Variants in GEMIN5 observed in about 807,000 individuals in gnomAD.
GEMIN5 encodes the protein gem-associated protein 5.
A neutral mutation model predicts 176.9 loss-of-function variants in GEMIN5; 124 were observed. The observed-to-expected ratio is 0.70, with a 90% CI of 0.61 to 0.81. The LOEUF (loss-of-function observed/expected upper bound fraction) is 0.81, where lower values mean the gene tolerates loss of function less well. Ranked by LOEUF, GEMIN5 falls within the 40% of genes least tolerant of loss-of-function variation. The probability of loss-of-function intolerance (pLI) is 0.00; values close to 1 mark genes in which losing one functional copy is unlikely to be tolerated. For synonymous variants in GEMIN5, 673 were observed against 665.2 expected, an observed-to-expected ratio of 1.01 and a Z score of -0.18; for missense variants, 1,843 against 1,814.6, an observed-to-expected ratio of 1.02 and a Z score of -0.28.
At chr5:154,902,314 C>T (rs1016989951) in intron 20 of GEMIN5, among the ~76,000 whole-genome samples, 2 of 152,172 alleles carry the variant, frequency 1.3e-5, no homozygotes, top group Non-Finnish European at 2.9e-5. Context: ...AATTGTCCTT[C>T]AAGAAGTTCT....
At position 154,925,848 on chromosome 5, in the gene GEMIN5, A is replaced by G; in HGVS notation, c.1293+14T>C. The stretch of plus-strand genomic sequence containing the variant: ...AAAAAAAGTTCAAAACAAGCTCAAA[A>G]AAAGAATCCTTACCGCTGTAACCTT... On this transcript the variant is annotated intron_variant, in intron 8 of 27. Coordinates refer to ENST00000285873, the MANE Select transcript of GEMIN5 (RefSeq NM_015465.5). 6.6e-7 allele frequency: 1 copy of G among 1,525,592 alleles called. No individual in the cohort carries two copies. The highest frequency in any genetic ancestry group is 2.3e-5 in the East Asian group (1 of 44,370). 94.5% of individuals were successfully genotyped at this position (1,525,592 alleles called of 1,614,324 possible). A position where few individuals can be genotyped will look rare whatever the true frequency, so the allele number is the denominator to read the frequency against.
chr5:154,925,172 A>C (rs1210504561), intron 8 of GEMIN5, among the ~76,000 whole-genome samples: 5 of 152,230 alleles, frequency 3.3e-5, no homozygotes, highest in Non-Finnish European at 7.3e-5. Flanking sequence ...TACACTGTCG[A>C]GTCGGAATAA....
At chr5:154,896,413 C>A in intron 23 of GEMIN5, 70 bp from the exon 24 acceptor site, 2 of 1,444,954 alleles carry the variant, frequency 1.4e-6, no homozygotes, top group Non-Finnish European at 1.8e-6. Context: ...AGAGCTCTCC[C>A]GTGTCCTTCA....
At chr5:154,920,364 CATA>C (rs1763899379) in intron 10 of GEMIN5, among the ~76,000 whole-genome samples, 1 of 152,142 alleles carries the variant, frequency 6.6e-6, no homozygotes, top group South Asian at 2.1e-4. Flanking sequence ...TTCTGGTATT[CATA>C]ATAATAGGGG....
At chr5:154,889,697 C>G (rs755974372) in intron 26 of GEMIN5, among the ~76,000 whole-genome samples, 5 of 152,342 alleles carry the variant, frequency 3.3e-5, no homozygotes, top group Non-Finnish European at 7.3e-5. Context: ...CAACATTATT[C>G]TACTTTCTGT....
Position 154,888,271 on chromosome 5 carries a change from A to G in GEMIN5, c.4466T>C (p.Leu1489Pro). 2 of 1,614,084 alleles carry G rather than the reference A, an allele frequency of 1.2e-6. No homozygotes were observed. Among genetic ancestry groups the G allele is most frequent in the South Asian group, 2.2e-5 (2 of 91,072 alleles). ...AQEMQQQAQE[L>P]LQKYGNTKTY... ...TTTCGTGTTGCCGTATTTCTGAAGG[A>G]GCTCTTGGGCCTGCTGCTGCATTTC... The change falls in exon 28 of 28, where the codon CTC becomes CCC. Residue 1489 changes from leucine (L) to proline (P), a missense_variant. Physicochemically the swap from Leu to Pro is moderately conservative, Grantham distance 98. Coordinates refer to ENST00000285873, the MANE Select transcript of GEMIN5 (RefSeq NM_015465.5).
At position 154,891,456 on chromosome 5, in the gene GEMIN5, A is replaced by G; in HGVS notation, c.4047T>C (p.Gly1349=). 1 of 1,614,128 alleles carries G rather than the reference A, an allele frequency of 6.2e-7. No individual in the cohort carries two copies. Among genetic ancestry groups the G allele is most frequent in the Non-Finnish European group, 8.5e-7 (1 of 1,180,010 alleles). ...CCTTAAAAGTACTCAGCATTCGCTC[A>G]CCTTCTTCTGTGAGTCTCAAGTCTA... ...SELDLRLTEE[G]ERMLSTFKEL... The change falls in exon 26 of 28, where the codon GGT becomes GGC. Residue 1349 remains glycine, a synonymous_variant. Transcript: ENST00000285873.
chr5:154,891,423 A>G lies in GEMIN5; in HGVS notation c.4080T>C (p.Phe1360=). The stretch of plus-strand genomic sequence containing the variant: ...TTTGGAGACTGGCATGCTTTTCTGA[A>G]AAGAGCTCCTTAAAAGTACTCAGCA... The part of the protein sequence containing the change: ...ERMLSTFKEL[F]SEKHASLQNS... The change falls in exon 26 of 28, where the codon TTT becomes TTC. Residue 1360 remains phenylalanine (F), a synonymous_variant. Coordinates refer to ENST00000285873, the MANE Select transcript of GEMIN5 (RefSeq NM_015465.5). The G allele has an allele frequency of 1.2e-6, 2 of 1,614,090 alleles. No homozygotes were observed. The highest frequency in any genetic ancestry group is 1.7e-6 in the Non-Finnish European group (2 of 1,180,006).
intron 23 of GEMIN5, among the ~76,000 whole-genome samples, chr5:154,897,914 G>GTTTTT (rs35458616): frequency 4.0e-5 from 5 of 124,502 alleles, no homozygotes; most frequent in Non-Finnish European, 4.8e-5. Context: ...TTTTTTTTGT[G>GTTTTT]TTTTTTTTTT....
chr5:154,888,266 G>A lies in GEMIN5; in HGVS notation c.4471C>T (p.Gln1491Ter). The A allele has an allele frequency of 6.2e-7, 1 of 1,614,188 alleles. No homozygotes were observed. Among genetic ancestry groups the A allele is most frequent in the Non-Finnish European group, 8.5e-7 (1 of 1,180,030 alleles). The change falls in exon 28 of 28, where the codon CAG becomes TAG. Residue 1491 changes from glutamine to a stop codon, truncating the protein, a stop_gained. Coordinates refer to ENST00000285873, the MANE Select transcript of GEMIN5 (RefSeq NM_015465.5). LOFTEE classifies it high-confidence loss of function. ...TAAGTTTTCGTGTTGCCGTATTTCTGAAGGAGCTCTTGGGCCTGCTGCTGC... is the reference window on the plus strand; with the variant it reads ...TAAGTTTTCGTGTTGCCGTATTTCTAAAGGAGCTCTTGGGCCTGCTGCTGC... Reference protein sequence around the residue: ...EMQQQAQELLQKYGNTKTYRR... With the variant: ...EMQQQAQELL
In GEMIN5 at chr5:154,938,177, G is replaced by T; in HGVS notation, c.-44C>A. On this transcript the variant is annotated 5_prime_UTR_variant, in exon 1 of 28. Coordinates refer to ENST00000285873, the MANE Select transcript of GEMIN5 (RefSeq NM_015465.5). ...ACAAGAGAAGCTGCCACAGCCGACC[G>T]CTCGTAGCCTCACGCCTTAGGTAGG... 1 of 1,313,704 alleles carries T rather than the reference G, an allele frequency of 7.6e-7. No homozygotes were observed. The allele number at this position is 1,313,704 out of a possible 1,614,324, so 81.4% of individuals were successfully genotyped here.
intron 2 of GEMIN5, among the ~76,000 whole-genome samples, 190 bp downstream of exon 2, chr5:154,936,835 G>A (rs561462550): frequency 7.9e-5 from 12 of 152,314 alleles, no homozygotes; most frequent in African/African-American, 2.9e-4. Context: ...AGAGCAGTTT[G>A]CCAACCTCTG....
At chr5:154,925,363 C>T (rs950774254) in intron 8 of GEMIN5, among the ~76,000 whole-genome samples, 1 of 152,010 alleles carries the variant, frequency 6.6e-6, no homozygotes, top group Non-Finnish European at 1.5e-5. Context: ...GTTTGATTTT[C>T]TTTTTAAACC....
rs887945573 is a variant in GEMIN5 at position 154,927,497 on chromosome 5, A to T, written c.968T>A (p.Leu323His). ...TTGCCCTTCTGATGAGGCACTGAAG[A>T]GGGTGTATTTCCGTCTCCAAGATTG... ...LTQSWRRKYT[L>H]FSASSEGQNH... Residue 323 changes from leucine to histidine, a missense_variant, in exon 7 of 28, where the codon CTC (leucine) becomes CAC (histidine). Coordinates refer to ENST00000285873, the MANE Select transcript of GEMIN5 (RefSeq NM_015465.5). 4 of 1,610,996 alleles carry T rather than the reference A, an allele frequency of 2.5e-6. No homozygotes were observed. In the African/African-American group the frequency reaches 4.0e-5, roughly 16 times the overall value.
chr5:154,898,653 A>G lies in GEMIN5; in HGVS notation c.3135-3T>C. ...AAGCACAAGTGGCCCCTAAATAGCT[A>G]TAATATGAATAAAAATGTGAAGAAA... is the stretch of plus-strand genomic sequence containing the variant. On this transcript the variant is annotated splice_region_variant and splice_polypyrimidine_tract_variant and intron_variant, in intron 22 of 27. Transcript: ENST00000285873. 2 of 1,593,654 alleles carry G rather than the reference A, an allele frequency of 1.3e-6. No individual in the cohort carries two copies. Among genetic ancestry groups the G allele is most frequent in the Non-Finnish European group, 1.7e-6 (2 of 1,161,454 alleles).
intron 22 of GEMIN5, 127 bp from the exon 23 acceptor site, chr5:154,898,777 C>T (rs151337581): frequency 1.2e-5 from 9 of 764,322 alleles, no homozygotes; most frequent in South Asian, 8.4e-5. Context: ...AGGTATGTCA[C>T]TGCCCCGGTT....
chr5:154,927,636 G>T, intron 6 of GEMIN5, 86 bp from the exon 7 acceptor site: 1 of 974,876 alleles, frequency 1.0e-6, no homozygotes, highest in Non-Finnish European at 1.5e-6. Flanking sequence ...GCTCATAGCT[G>T]CAAAATGATT....
chr5:154,932,242 T>C lies in GEMIN5; in HGVS notation c.518A>G (p.Asp173Gly). The C allele has an allele frequency of 6.2e-7, 1 of 1,602,800 alleles. No individual in the cohort carries two copies. The change falls in exon 4 of 28, where the codon GAT becomes GGT. Residue 173 changes from aspartate to glycine, a missense_variant. Asp to Gly is a moderately conservative substitution (Grantham distance 94). Transcript: ENST00000285873. ...HEDLVAIGYKDGIVVIIDISK... is the reference protein window; with the variant it reads ...HEDLVAIGYKGGIVVIIDISK... ...GATGTCAATTATCACCACTATGCCA[T>C]CCTTGTAGCTAAAAAACAAGAGTTA...
chr5:154,926,744 C>A (rs541926741), intron 7 of GEMIN5, among the ~76,000 whole-genome samples: 73 of 152,260 alleles, frequency 4.8e-4, no homozygotes, highest in African/African-American at 1.7e-3. Context: ...TTGGGCCACA[C>A]AAAAAGTACA....
Sources: allele counts gnomAD v4.1 joint callset (sites outside exome capture counted in the v4.1 genomes callset), GRCh38; gene constraint gnomAD v4.1.1; transcripts MANE v1.5; gene names NCBI Gene and HGNC (gene_info 2026-07-23, HGNC 2026-07-21).